ZNF714: variants seen among roughly 807,000 people sequenced by gnomAD.
ZNF714 encodes the protein zinc finger protein 714.
A neutral mutation model predicts 46.2 loss-of-function variants in ZNF714; 32 were observed. That is an observed-to-expected ratio of 0.69 (90% CI 0.52 to 0.93). ZNF714 has a LOEUF of 0.93. Among genes scored for constraint, ZNF714 ranks in the 40% least tolerant of loss-of-function variants. ZNF714 has a pLI of 0.00. For missense variants in ZNF714, 635 were observed against 646.3 expected (o/e 0.98, Z 0.19); for synonymous variants, 199 against 213.1 (o/e 0.93, Z 0.58).
At position 21,104,722 on chromosome 19, in the gene ZNF714, C is replaced by T. The variant is rs1969271237; in HGVS notation, c.142+5812C>T. ...CCGCCTCCTGGATTCCAACAATTCT[C>T]CTGCCTCAGCCTCCCGAGTAGCTGA... On this transcript the variant is annotated intron_variant, in intron 4 of 4. Transcript: ENST00000456283. Among the ~76,000 whole-genome samples the T allele has an allele frequency of 2.6e-5, 4 of 152,124 alleles. No homozygotes were observed. In the East Asian group the frequency reaches 7.7e-4, roughly 29 times the overall value.
At chr19:21,087,254 G>A (rs1304999505) in intron 2 of ZNF714, among the ~76,000 whole-genome samples, 2 of 141,202 alleles carry the variant, frequency 1.4e-5, no homozygotes, top group Admixed American at 7.2e-5. Context: ...AAACATGATC[G>A]ACAAGGAAAT....
rs1969701527 is a variant in ZNF714 at position 21,121,353 on chromosome 19, CG to C, written c.*3023del. 1 of 152,192 alleles carries C rather than the reference CG, an allele frequency of 6.6e-6. No homozygotes were observed. The highest frequency in any genetic ancestry group is 2.1e-4 in the South Asian group (1 of 4,816). The allele number at this position is 152,192 out of a possible 1,614,324, so 9.4% of individuals were successfully genotyped here. The stretch of plus-strand genomic sequence containing the variant: ...GATTACAGGCATGAGCCACCGTGCC[CG>C]GCCACTTTTTATAAATTTTAAAATG... On this transcript the variant is annotated 3_prime_UTR_variant, in exon 5 of 5. Transcript: ENST00000456283.
intron 4 of ZNF714, among the ~76,000 whole-genome samples, chr19:21,100,875 T>A (rs1969162356): frequency 6.6e-6 from 1 of 151,710 alleles, no homozygotes. Flanking sequence ...ACCTGGCTAA[T>A]TTTTTTTGTA....
At chr19:21,112,279 G>T (rs554582410) in intron 4 of ZNF714, among the ~76,000 whole-genome samples, 1 of 152,150 alleles carries the variant, frequency 6.6e-6, no homozygotes, top group Non-Finnish European at 1.5e-5. Flanking sequence ...ACTTGTTATA[G>T]GTCTATTCAG....
intron 4 of ZNF714, among the ~76,000 whole-genome samples, chr19:21,100,653 G>A (rs1969156241): frequency 6.6e-6 from 1 of 152,012 alleles, no homozygotes. Flanking sequence ...GTGTATGGAA[G>A]CATAACGTAT....
intron 2 of ZNF714, among the ~76,000 whole-genome samples, chr19:21,096,100 T>A (rs73022639): frequency 0.076 from 11,512 of 152,210 alleles, 498 homozygotes; most frequent in Non-Finnish European, 0.086. Flanking sequence ...TGGCCCATAT[T>A]TTCATATTTT....
intron 4 of ZNF714, chr19:21,109,579 G>GTTT: frequency 4.5e-6 from 1 of 222,300 alleles, no homozygotes; most frequent in Non-Finnish European, 7.5e-6. Flanking sequence ...TTTCATTGTT[G>GTTT]TTTTTTTTTT....
chr19:21,123,648 C>A lies in ZNF714; in HGVS notation c.*5316C>A, dbSNP rs1969746319. Among the ~76,000 whole-genome samples the A allele has an allele frequency of 6.6e-6, 1 of 152,182 alleles. No homozygotes were observed. The highest frequency in any genetic ancestry group is 1.5e-5 in the Non-Finnish European group (1 of 68,036). On this transcript the variant is annotated 3_prime_UTR_variant, in exon 5 of 5. Transcript: ENST00000456283. ...GGGATTACAGGCATGAGCCACAGTGCCCGGCCACGAATTTAATTTTCTATG... is the reference window on the plus strand; with the variant it reads ...GGGATTACAGGCATGAGCCACAGTGACCGGCCACGAATTTAATTTTCTATG...
intron 4 of ZNF714, among the ~76,000 whole-genome samples, chr19:21,101,901 A>G (rs1489592360): frequency 1.3e-5 from 2 of 151,858 alleles, no homozygotes; most frequent in Non-Finnish European, 1.5e-5. Context: ...TGAAAAAAAC[A>G]CTCCTCAATC....
intron 2 of ZNF714, among the ~76,000 whole-genome samples, chr19:21,089,517 G>A (rs887488178): frequency 6.6e-6 from 1 of 152,160 alleles, no homozygotes; most frequent in Non-Finnish European, 1.5e-5. Flanking sequence ...AAACAAGAAA[G>A]TACTCATTCC....
In ZNF714 at chr19:21,087,766, C is replaced by T. The variant is rs188357573; in HGVS notation, c.-85+3697C>T. Among the ~76,000 whole-genome samples the T allele has an allele frequency of 3.9e-4, 59 of 152,320 alleles. 1 individual carries two copies. The highest frequency in any genetic ancestry group is 3.7e-3 in the Admixed American group (57 of 15,300). On this transcript the variant is annotated intron_variant, in intron 2 of 4. Transcript: ENST00000456283. ...ATCTTTCACAATTTGTTTAAACCTT[C>T]AGTTTTATTCTAATTTAAAACAATC...
rs752644137 is a variant in ZNF714, at chr19:21,098,221, T to C, written c.-48T>C. The C allele has an allele frequency of 6.2e-7, 1 of 1,612,336 alleles. No homozygotes were observed. Among genetic ancestry groups the C allele is most frequent in the Non-Finnish European group, 8.5e-7 (1 of 1,179,652 alleles). ...ATTTAGGGATGTGGCCATAGAATTCTCTCTGGAGGAGTGGGAATGCCTGAA... is the reference window on the plus strand; with the variant it reads ...ATTTAGGGATGTGGCCATAGAATTCCCTCTGGAGGAGTGGGAATGCCTGAA... On this transcript the variant is annotated 5_prime_UTR_variant, in exon 3 of 5. Transcript: ENST00000456283.
At chr19:21,093,053 GTGTCTGC>G in intron 2 of ZNF714, among the ~76,000 whole-genome samples, 1 of 151,304 alleles carries the variant, frequency 6.6e-6, no homozygotes. Context: ...GGGACTACAG[GTGTCTGC>G]CACCACGCCT....
chr19:21,123,447 C>G lies in ZNF714; in HGVS notation c.*5115C>G, dbSNP rs1388713840. Reference sequence around the variant, plus strand: ...TTGGCTCACTGCAAGCTCCGCCTTCCGGGTTCACGCCATTCTCCCGCCTCA... The same window carrying G: ...TTGGCTCACTGCAAGCTCCGCCTTCGGGGTTCACGCCATTCTCCCGCCTCA... On this transcript the variant is annotated 3_prime_UTR_variant, in exon 5 of 5. Transcript: ENST00000456283. 6.6e-6 allele frequency among the ~76,000 whole-genome samples: 1 copy of G among 151,908 alleles called. No individual in the cohort carries two copies. The highest frequency in any genetic ancestry group is 1.5e-5 in the Non-Finnish European group (1 of 67,986).
rs1345895842 is a variant in ZNF714 at position 21,118,066 on chromosome 19, C to T, written c.1402C>T (p.Leu468Phe). Residue 468 changes from leucine to phenylalanine, a missense_variant, in exon 5 of 5, where the codon CTT (leucine) becomes TTT (phenylalanine). Leu to Phe is a conservative substitution (Grantham distance 22). Coordinates refer to ENST00000456283, the MANE Select transcript of ZNF714 (RefSeq NM_182515.4). ...CAAAGCTTTCAACCGATCCTCAAAC[C>T]TTACTAAACATAACATAATTCATAC... ...CGKAFNRSSN[L>F]TKHNIIHTGE... 2 of 1,613,902 alleles carry T rather than the reference C, an allele frequency of 1.2e-6. No homozygotes were observed. The highest frequency in any genetic ancestry group is 1.7e-5 in the Admixed American group (1 of 60,008).
At chr19:21,107,427 T>C (rs1188413841) in intron 4 of ZNF714, among the ~76,000 whole-genome samples, 1 of 152,004 alleles carries the variant, frequency 6.6e-6, no homozygotes, top group Non-Finnish European at 1.5e-5. Context: ...TTAGTAGAGA[T>C]GGGGTTTCTC....
chr19:21,084,019 TGGATC>T lies in ZNF714; in HGVS notation c.-134_-130del. 5 of 1,259,340 alleles carry T rather than the reference TGGATC, an allele frequency of 4.0e-6. No homozygotes were observed. Among genetic ancestry groups the T allele is most frequent in the South Asian group, 2.8e-5 (2 of 70,700 alleles). 78.0% of individuals were successfully genotyped at this position (1,259,340 alleles called of 1,614,324 possible). A position where few individuals can be genotyped will look rare whatever the true frequency, so the allele number is the denominator to read the frequency against. ...GAGTGTATCCTCTCAAGGGAGCAAGTGGATCCCTGGGGCAGAGAGGAAGCTTCTAG... is the reference window on the plus strand; with the variant it reads ...GAGTGTATCCTCTCAAGGGAGCAAGTCCTGGGGCAGAGAGGAAGCTTCTAG... On this transcript the variant is annotated 5_prime_UTR_variant, in exon 2 of 5. It removes the in-frame stop codon of an upstream open reading frame in the 5' UTR. Transcript: ENST00000456283.
At chr19:21,114,582 G>A (rs1447190328) in intron 4 of ZNF714, among the ~76,000 whole-genome samples, 2 of 152,092 alleles carry the variant, frequency 1.3e-5, no homozygotes, top group Non-Finnish European at 2.9e-5. Flanking sequence ...ACACAAATGG[G>A]TCATGACTCT....
At chr19:21,104,797 G>C (rs2144855153) in intron 4 of ZNF714, among the ~76,000 whole-genome samples, 1 of 151,592 alleles carries the variant, frequency 6.6e-6, no homozygotes, top group South Asian at 2.1e-4. Flanking sequence ...ATTTTTAGTA[G>C]AAACGGGGGT....
Sources: allele counts gnomAD v4.1 joint callset (sites outside exome capture counted in the v4.1 genomes callset), GRCh38; gene constraint gnomAD v4.1.1; transcripts MANE v1.5; gene names NCBI Gene and HGNC (gene_info 2026-07-23, HGNC 2026-07-21).